SEMA6D: variants seen among roughly 807,000 people sequenced by gnomAD.
SEMA6D encodes semaphorin 6D.
In SEMA6D, 35 loss-of-function variants were observed where a neutral mutation model predicts 106.6. The ratio of observed to expected loss-of-function variants is 0.33; its 90% CI spans 0.25 to 0.44. The LOEUF (loss-of-function observed/expected upper bound fraction) is 0.44, where lower values mean the gene tolerates loss of function less well. Among genes scored for constraint, SEMA6D ranks in the 20% least tolerant of loss-of-function variants. The pLI is 1.00. For synonymous variants in SEMA6D, 499 were observed against 487.7 expected (o/e 1.02, Z -0.31); for missense variants, 1,185 against 1,345.9 (o/e 0.88, Z 1.87).
chr15:47,407,284 G>T (rs1370861099), intron 1 of SEMA6D, among the ~76,000 whole-genome samples: 2 of 146,156 alleles, frequency 1.4e-5, no homozygotes, highest in Non-Finnish European at 3.0e-5. Flanking sequence ...CAGGAAAATC[G>T]CTTGAGCCTG....
chr15:47,661,324 G>A (rs2077913665), intron 4 of SEMA6D, among the ~76,000 whole-genome samples: 1 of 152,184 alleles, frequency 6.6e-6, no homozygotes, highest in Non-Finnish European at 1.5e-5. Context: ...ATAAAAGTTG[G>A]TGATGATGCA....
intron 1 of SEMA6D, among the ~76,000 whole-genome samples, chr15:47,728,681 C>T (rs2079921841): frequency 6.6e-6 from 1 of 152,154 alleles, no homozygotes. Flanking sequence ...AACGGGTTTC[C>T]CTGAGCTAAA....
intron 1 of SEMA6D, among the ~76,000 whole-genome samples, chr15:47,352,158 C>G (rs993115499): frequency 6.6e-6 from 1 of 152,094 alleles, no homozygotes; most frequent in Non-Finnish European, 1.5e-5. Flanking sequence ...ACAATGACTA[C>G]TAAAAATGAT....
chr15:47,347,987 A>G (rs915561431), intron 1 of SEMA6D, among the ~76,000 whole-genome samples: 7 of 152,124 alleles, frequency 4.6e-5, no homozygotes, highest in African/African-American at 1.4e-4. Flanking sequence ...GTTTCCTGGA[A>G]GTCTCCACTC....
chr15:47,480,982 T>C (rs575998908), intron 3 of SEMA6D, among the ~76,000 whole-genome samples: 83 of 152,312 alleles, frequency 5.4e-4, no homozygotes, highest in African/African-American at 1.9e-3. Flanking sequence ...ACTTTCATCT[T>C]AGATCTATAC....
intron 2 of SEMA6D, among the ~76,000 whole-genome samples, chr15:47,444,765 T>C (rs1000383211): frequency 6.6e-6 from 1 of 152,192 alleles, no homozygotes; most frequent in Non-Finnish European, 1.5e-5. Flanking sequence ...CATGGTAGTG[T>C]CTAGGAGTGG....
chr15:47,414,939 GT>G (rs1486185036), intron 2 of SEMA6D, among the ~76,000 whole-genome samples: 1 of 152,126 alleles, frequency 6.6e-6, no homozygotes, highest in Non-Finnish European at 1.5e-5. Flanking sequence ...GCAGGCCTTA[GT>G]TTTTAATTTG....
At chr15:47,751,374 T>G (rs2081425228) in intron 1 of SEMA6D, among the ~76,000 whole-genome samples, 1 of 152,184 alleles carries the variant, frequency 6.6e-6, no homozygotes, top group South Asian at 2.1e-4. Flanking sequence ...TCAACTTACC[T>G]AAACCCACTG....
chr15:47,354,274 T>G (rs923798147), intron 1 of SEMA6D, among the ~76,000 whole-genome samples: 3 of 137,670 alleles, frequency 2.2e-5, no homozygotes, highest in African/African-American at 8.6e-5. Flanking sequence ...ATGACAAGAA[T>G]TATATATATA....
intron 3 of SEMA6D, among the ~76,000 whole-genome samples, chr15:47,590,677 CAGAG>C (rs963391793): frequency 7.3e-4 from 111 of 152,024 alleles, no homozygotes; most frequent in African/African-American, 2.7e-3. Flanking sequence ...AGGAGACACA[CAGAG>C]AGAATGCCAT....
chr15:47,750,983 A>C (rs1437706787), intron 1 of SEMA6D, among the ~76,000 whole-genome samples: 1 of 152,154 alleles, frequency 6.6e-6, no homozygotes, highest in Non-Finnish European at 1.5e-5. Context: ...GGCAAGGAGC[A>C]CCCATGCTTT....
At chr15:47,336,902 G>A (rs904195631) in intron 1 of SEMA6D, among the ~76,000 whole-genome samples, 1 of 152,208 alleles carries the variant, frequency 6.6e-6, no homozygotes, top group African/African-American at 2.4e-5. Flanking sequence ...TCCAAAGTAG[G>A]TAAAAACAGA....
chr15:47,248,889 C>G (rs2033350640), intron 1 of SEMA6D, among the ~76,000 whole-genome samples: 1 of 152,158 alleles, frequency 6.6e-6, no homozygotes, highest in South Asian at 2.1e-4. Context: ...GCAGCTTTAT[C>G]ACATGGACGC....
At chr15:47,451,356 CT>C (rs1400606374) in intron 2 of SEMA6D, among the ~76,000 whole-genome samples, 5 of 152,018 alleles carry the variant, frequency 3.3e-5, no homozygotes, top group Admixed American at 3.3e-4. Context: ...CTAAGAACTA[CT>C]TGAGTAGAAT....
chr15:47,242,366 C>T (rs888000541), intron 1 of SEMA6D, among the ~76,000 whole-genome samples: 6 of 152,078 alleles, frequency 3.9e-5, no homozygotes, highest in African/African-American at 1.4e-4. Context: ...AGTTGCTTTA[C>T]CAAGGTTTTA....
intron 1 of SEMA6D, among the ~76,000 whole-genome samples, chr15:47,335,528 CCT>C (rs1206503639): frequency 1.3e-5 from 2 of 151,970 alleles, no homozygotes; most frequent in Admixed American, 6.6e-5. Context: ...GTTGGACTGG[CCT>C]TATGATGACT....
At chr15:47,541,428 C>G (rs1013810264) in intron 3 of SEMA6D, among the ~76,000 whole-genome samples, 1 of 152,180 alleles carries the variant, frequency 6.6e-6, no homozygotes, top group Non-Finnish European at 1.5e-5. Flanking sequence ...CATCCAGATT[C>G]TCTGTTATTG....
chr15:47,639,535 C>T (rs2077451894), intron 4 of SEMA6D, among the ~76,000 whole-genome samples: 1 of 152,172 alleles, frequency 6.6e-6, no homozygotes, highest in African/African-American at 2.4e-5. Context: ...GTGGGCTGCA[C>T]ATACATAGTG....
intron 4 of SEMA6D, among the ~76,000 whole-genome samples, chr15:47,632,626 C>A (rs1394051509): frequency 6.6e-6 from 1 of 151,826 alleles, no homozygotes; most frequent in Non-Finnish European, 1.5e-5. Flanking sequence ...CATAGAATAT[C>A]TTGTTTATAT....
Sources: allele counts gnomAD v4.1 joint callset (sites outside exome capture counted in the v4.1 genomes callset), GRCh38; gene constraint gnomAD v4.1.1; transcripts MANE v1.5; gene names NCBI Gene and HGNC (gene_info 2026-07-23, HGNC 2026-07-21).